ATP8B4: variants seen among roughly 807,000 people sequenced by gnomAD.
ATP8B4 encodes ATPase phospholipid transporting 8B4 (putative).
A neutral mutation model predicts 145.6 loss-of-function variants in ATP8B4; 133 were observed. The ratio of observed to expected loss-of-function variants is 0.91; its 90% CI spans 0.79 to 1.05. The LOEUF is 1.05. ATP8B4 is among the 50% of genes least tolerant of loss of function. The pLI, the probability that ATP8B4 is intolerant of heterozygous loss-of-function variation, is 0.00. For synonymous variants in ATP8B4, 507 were observed against 492.9 expected, an observed-to-expected ratio of 1.03 and a Z score of -0.38; for missense variants, 1,458 against 1,425.2, an observed-to-expected ratio of 1.02 and a Z score of -0.37.
chr15:50,027,011 T>C (rs1042496722), intron 6 of ATP8B4, among the ~76,000 whole-genome samples: 1 of 152,118 alleles, frequency 6.6e-6, no homozygotes, highest in Non-Finnish European at 1.5e-5. Flanking sequence ...TGTTCCTGGG[T>C]TCTCCAATGC....
Position 49,890,512 on chromosome 15 carries a change from G to T in ATP8B4, c.2697+6780C>A, listed in dbSNP as rs367928094. 1.7e-4 allele frequency among the ~76,000 whole-genome samples: 26 copies of T among 152,288 alleles called. No homozygotes were observed. In the East Asian group the frequency reaches 3.9e-3, roughly 23 times the overall value. On this transcript the variant is annotated intron_variant, in intron 23 of 27. Transcript: ENST00000284509. ...CTAAGGGGCTTTAGGGGCTAAGAAA[G>T]TCTCATCACCCAACACATGGTGTTG...
intron 2 of ATP8B4, among the ~76,000 whole-genome samples, chr15:50,096,912 T>C (rs2056026630): frequency 6.6e-6 from 1 of 152,172 alleles, no homozygotes; most frequent in African/African-American, 2.4e-5. Context: ...GAGAGGGCTT[T>C]TGTGAAGCCA....
At chr15:49,910,618 A>G (rs1184634959) in intron 20 of ATP8B4, among the ~76,000 whole-genome samples, 1 of 152,188 alleles carries the variant, frequency 6.6e-6, no homozygotes. Flanking sequence ...CTAGTCACCT[A>G]TAAAGGAGTC....
chr15:50,092,252 G>C (rs565010823), intron 2 of ATP8B4, among the ~76,000 whole-genome samples: 1 of 152,106 alleles, frequency 6.6e-6, no homozygotes, highest in African/African-American at 2.4e-5. Flanking sequence ...AAGACAATCT[G>C]CTCCTTCTCT....
At chr15:50,138,470 TAGACAGAC>T (rs3076919) in intron 1 of ATP8B4, among the ~76,000 whole-genome samples, 1 of 151,862 alleles carries the variant, frequency 6.6e-6, no homozygotes, top group African/African-American at 2.4e-5. Context: ...GACAGATAGA[TAGACAGAC>T]AGATAGATAG....
chr15:49,867,521 G>A (rs908325729), intron 25 of ATP8B4, among the ~76,000 whole-genome samples: 5 of 152,232 alleles, frequency 3.3e-5, no homozygotes, highest in East Asian at 1.9e-4. Flanking sequence ...AGACATGCCC[G>A]CTTTCCAGTT....
At chr15:50,131,895 A>C (rs1054823282) in intron 1 of ATP8B4, among the ~76,000 whole-genome samples, 2 of 151,820 alleles carry the variant, frequency 1.3e-5, no homozygotes, top group Non-Finnish European at 2.9e-5. Flanking sequence ...CTGCTCTTGC[A>C]CCTGTTACTC....
rs779383571 is a variant in ATP8B4, at chr15:49,860,325, C to T, written c.3448G>A (p.Ala1150Thr). Reference sequence around the variant, plus strand: ...CCTGATGTTGGGGGTGGATTTTTAGCTCGCATATTTTTTCCAGATGTGATA... The same window carrying T: ...CCTGATGTTGGGGGTGGATTTTTAGTTCGCATATTTTTTCCAGATGTGATA... The part of the protein sequence containing the change: ...ELITSGKNMR[A>T]KNPPPTSGLE... The change falls in exon 28 of 28, where the codon GCT (alanine) becomes ACT (threonine). Residue 1150 changes from alanine (A) to threonine (T), a missense_variant. By Grantham distance (58) the Ala-to-Thr change is moderately conservative. Coordinates refer to ENST00000284509, the MANE Select transcript of ATP8B4 (RefSeq NM_024837.4). 4.5e-5 allele frequency: 72 copies of T among 1,613,966 alleles called. No individual in the cohort carries two copies. Among genetic ancestry groups the T allele is most frequent in the Non-Finnish European group, 5.7e-5 (67 of 1,180,006 alleles).
In ATP8B4 at chr15:49,897,395, G is replaced by T; in HGVS notation, c.2594C>A (p.Ser865Tyr). The T allele has an allele frequency of 2.5e-6, 4 of 1,613,900 alleles. No individual in the cohort carries two copies. The highest frequency in any genetic ancestry group is 3.4e-6 in the Non-Finnish European group (4 of 1,179,838). ...QRLLLVHGRW[S>Y]YFRMCKFLCY... ...TAAGAATTTGCACATTCGGAAATAA[G>T]ACCACCTTCCATGAACAAGGAGAAG... Residue 865 changes from serine (S) to tyrosine (Y), a missense_variant, in exon 23 of 28, where the codon TCT becomes TAT. Transcript: ENST00000284509.
chr15:50,094,336 C>T (rs982185535), intron 2 of ATP8B4, among the ~76,000 whole-genome samples: 6 of 152,088 alleles, frequency 3.9e-5, no homozygotes, highest in African/African-American at 1.2e-4. Context: ...AACATTGGCT[C>T]TTCCTGGGTC....
intron 5 of ATP8B4, 63 bp downstream of exon 5, chr15:50,044,531 T>A: frequency 8.7e-7 from 1 of 1,147,744 alleles, no homozygotes; most frequent in South Asian, 1.4e-5. Context: ...ATCTTCATTA[T>A]CTATTTCTGA....
At chr15:50,084,355 G>A (rs1342771365) in intron 2 of ATP8B4, among the ~76,000 whole-genome samples, 1 of 152,006 alleles carries the variant, frequency 6.6e-6, no homozygotes, top group East Asian at 1.9e-4. Context: ...GAGATACAAG[G>A]GGGCCAGGAT....
At chr15:49,931,358 A>G in intron 15 of ATP8B4, 51 bp from the exon 16 acceptor site, 1 of 1,540,228 alleles carries the variant, frequency 6.5e-7, no homozygotes, top group Non-Finnish European at 8.9e-7. Flanking sequence ...GCTAACATTC[A>G]TAGAGTTCCA....
Position 50,032,365 on chromosome 15 carries a change from C to T in ATP8B4, c.362+6403G>A, listed in dbSNP as rs551130448. Among the ~76,000 whole-genome samples, 6 of 152,276 alleles carry T rather than the reference C, an allele frequency of 3.9e-5. No individual in the cohort carries two copies. In the East Asian group the frequency reaches 7.7e-4, roughly 20 times the overall value. ...CATGTCCCTGCAAAGGATATGAACT[C>T]ATTCTTTTTTATGGCTGCATAGTAT... On this transcript the variant is annotated intron_variant, in intron 6 of 27. Coordinates refer to ENST00000284509, the MANE Select transcript of ATP8B4 (RefSeq NM_024837.4).
At chr15:50,107,120 C>G (rs1047074667) in intron 1 of ATP8B4, 112 bp from the exon 2 acceptor site, 3 of 567,786 alleles carry the variant, frequency 5.3e-6, no homozygotes, top group Non-Finnish European at 8.8e-6. Flanking sequence ...GTCACTGACA[C>G]AGGAAAGAAC....
At position 50,012,691 on chromosome 15, in the gene ATP8B4, C is replaced by G. The variant is rs1047437564; in HGVS notation, c.363-1774G>C. ...GAACGAAGAGTAAGAAAAAGAAGCA[C>G]AAAATAGGTTATTTTAAAGAGGAGA... On this transcript the variant is annotated intron_variant, in intron 6 of 27. Transcript: ENST00000284509. Among the ~76,000 whole-genome samples the G allele has an allele frequency of 3.5e-4, 53 of 152,164 alleles. 1 individual carries two copies. Among genetic ancestry groups the G allele is most frequent in the African/African-American group, 1.3e-3 (53 of 41,526 alleles).
chr15:49,961,211 T>C (rs969942131), intron 14 of ATP8B4, among the ~76,000 whole-genome samples: 5 of 152,162 alleles, frequency 3.3e-5, no homozygotes, highest in African/African-American at 1.2e-4. Context: ...TTGACCCTAC[T>C]TATAACAAGA....
chr15:50,075,018 A>G (rs1221916647), intron 2 of ATP8B4, among the ~76,000 whole-genome samples: 1 of 152,186 alleles, frequency 6.6e-6, no homozygotes, highest in African/African-American at 2.4e-5. Flanking sequence ...CTGGATTCTC[A>G]TGGCGAGTGA....
chr15:50,106,306 A>G (rs1021985023), intron 2 of ATP8B4, among the ~76,000 whole-genome samples: 1 of 152,166 alleles, frequency 6.6e-6, no homozygotes, highest in Non-Finnish European at 1.5e-5. Context: ...CTGACTAACT[A>G]GAGACAAAAG....
Sources: gnomAD v4.1 joint callset for allele counts (sites outside exome capture counted in the v4.1 genomes callset) on GRCh38, gnomAD v4.1.1 for gene constraint, MANE v1.5 for transcripts, NCBI Gene and HGNC (gene_info 2026-07-23, HGNC 2026-07-21) for gene names.